CTNNA2: variants seen among roughly 807,000 people sequenced by gnomAD.
CTNNA2 encodes catenin alpha 2.
CTNNA2 carries 42 observed loss-of-function variants against 101.0 expected under a neutral mutation model. That is an observed-to-expected ratio of 0.42 (90% CI 0.32 to 0.54). The LOEUF (loss-of-function observed/expected upper bound fraction) is 0.54. CTNNA2 is among the 20% of genes least tolerant of loss of function. CTNNA2 has a pLI of 0.14. For synonymous variants in CTNNA2, 450 were observed against 456.4 expected, an observed-to-expected ratio of 0.99 and a Z score of 0.18; for missense variants, 871 against 1,223.1, an observed-to-expected ratio of 0.71 and a Z score of 4.29.
At chr2:80,337,201 A>C (rs959448207) in intron 7 of CTNNA2, among the ~76,000 whole-genome samples, 5 of 152,040 alleles carry the variant, frequency 3.3e-5, no homozygotes, top group African/African-American at 1.2e-4. Context: ...TAAAAATACA[A>C]AACATTAGCC....
intron 2 of CTNNA2, among the ~76,000 whole-genome samples, chr2:79,253,824 T>C (rs921045025): frequency 7.2e-5 from 11 of 152,166 alleles, no homozygotes; most frequent in Admixed American, 7.2e-4. Flanking sequence ...TGTGTATTTG[T>C]CGGTGATAGA....
chr2:79,661,095 C>G (rs1682004351), intron 2 of CTNNA2, among the ~76,000 whole-genome samples: 1 of 152,170 alleles, frequency 6.6e-6, no homozygotes, highest in East Asian at 1.9e-4. Flanking sequence ...CCACCCTGTG[C>G]CATGTGATAA....
chr2:79,766,823 T>C (rs2105117838), intron 3 of CTNNA2, among the ~76,000 whole-genome samples: 1 of 152,144 alleles, frequency 6.6e-6, no homozygotes, highest in Non-Finnish European at 1.5e-5. Flanking sequence ...CGGCATGATC[T>C]CGGCTCACCG....
At chr2:80,629,651 G>A (rs1672065174) in intron 18 of CTNNA2, among the ~76,000 whole-genome samples, 1 of 152,120 alleles carries the variant, frequency 6.6e-6, no homozygotes, top group African/African-American at 2.4e-5. Flanking sequence ...TGCTTCTTCA[G>A]GCTGGTTCAG....
intron 6 of CTNNA2, among the ~76,000 whole-genome samples, chr2:79,874,572 G>A (rs1682858546): frequency 6.6e-6 from 1 of 152,154 alleles, no homozygotes; most frequent in African/African-American, 2.4e-5. Context: ...TGTAATCCCA[G>A]AACTTTGGGA....
At chr2:79,301,112 AT>A (rs1034296248) in intron 2 of CTNNA2, among the ~76,000 whole-genome samples, 1 of 152,196 alleles carries the variant, frequency 6.6e-6, no homozygotes, top group African/African-American at 2.4e-5. Flanking sequence ...CTTTTCTGAA[AT>A]TACTTTTTCT....
intron 7 of CTNNA2, among the ~76,000 whole-genome samples, chr2:80,385,164 C>T (rs1008258801): frequency 6.6e-6 from 1 of 152,176 alleles, no homozygotes; most frequent in Non-Finnish European, 1.5e-5. Flanking sequence ...TGTGTCCCCT[C>T]AAAATTCAAA....
At position 79,997,255 on chromosome 2, in the gene CTNNA2, T is replaced by C. The variant is rs1460082041; in HGVS notation, c.1056+87458T>C. Among the ~76,000 whole-genome samples, 13 of 149,988 alleles carry C rather than the reference T, an allele frequency of 8.7e-5. No individual in the cohort carries two copies. The Admixed American group carries it at 8.7e-4, about 10-fold the overall frequency. ...CACTATTTAGTATGGTGCCTAATAATCTTCCTCAAAACACCTTTTCTACTA... is the reference window on the plus strand; with the variant it reads ...CACTATTTAGTATGGTGCCTAATAACCTTCCTCAAAACACCTTTTCTACTA... On this transcript the variant is annotated intron_variant, in intron 7 of 18. Coordinates refer to ENST00000402739, the MANE Select transcript of CTNNA2 (RefSeq NM_001282597.3).
At chr2:80,055,249 G>A (rs55706650) in intron 7 of CTNNA2, among the ~76,000 whole-genome samples, 6,414 of 152,026 alleles carry the variant, frequency 0.042, 451 homozygotes, top group African/African-American at 0.15. Flanking sequence ...GGCTGGCCTC[G>A]AGCTCCTAGC....
chr2:79,406,932 T>G (rs892892155), intron 4 of CTNNA2, among the ~76,000 whole-genome samples: 26 of 152,018 alleles, frequency 1.7e-4, no homozygotes, highest in African/African-American at 5.8e-4. Flanking sequence ...TCTCCTCAAC[T>G]CTATGATTTC....
Position 79,457,066 on chromosome 2 carries a change from G to T in CTNNA2, c.-134-47988G>T, listed in dbSNP as rs192610324. ...ATACAAAAAAAATTAGCCGGGCGCG[G>T]TGGCGGGCGCCTGTAGTCCCAGCTA... On this transcript the variant is annotated intron_variant, in intron 4 of 21. Transcript: ENST00000466387. Among the ~76,000 whole-genome samples, 13 of 152,106 alleles carry T rather than the reference G, an allele frequency of 8.5e-5. No individual in the cohort carries two copies. In the East Asian group the frequency reaches 2.5e-3, roughly 30 times the overall value.
chr2:80,167,196 A>G (rs1704756520), intron 7 of CTNNA2, among the ~76,000 whole-genome samples: 1 of 152,188 alleles, frequency 6.6e-6, no homozygotes, highest in Non-Finnish European at 1.5e-5. Context: ...GTATCTTCCA[A>G]GAAGTCTATC....
rs142299504 is a variant in CTNNA2 at position 79,838,548 on chromosome 2, A to G, written c.299-19465A>G. ...ATTAGAGGTTTTGATCTAACATAAG[A>G]ACATACTCTGATTAGACATTATTAT... On this transcript the variant is annotated intron_variant, in intron 3 of 18. Transcript: ENST00000402739. Among the ~76,000 whole-genome samples, 593 of 152,250 alleles carry G rather than the reference A, an allele frequency of 3.9e-3. 1 individual carries two copies. Among genetic ancestry groups the G allele is most frequent in the African/African-American group, 0.013 (559 of 41,562 alleles).
At chr2:79,664,775 G>C (rs1252339665) in intron 2 of CTNNA2, among the ~76,000 whole-genome samples, 1 of 136,608 alleles carries the variant, frequency 7.3e-6, no homozygotes, top group Non-Finnish European at 1.5e-5. Context: ...GCAGTGGCGC[G>C]ATCTCGGCTC....
chr2:80,179,956 T>G (rs1036481077), intron 7 of CTNNA2, among the ~76,000 whole-genome samples: 2 of 152,180 alleles, frequency 1.3e-5, no homozygotes, highest in African/African-American at 2.4e-5. Flanking sequence ...CACTGTAAGT[T>G]GGACCTGAGC....
At chr2:79,359,224 T>C (rs1677573147) in intron 3 of CTNNA2, among the ~76,000 whole-genome samples, 1 of 152,188 alleles carries the variant, frequency 6.6e-6, no homozygotes, top group Non-Finnish European at 1.5e-5. Context: ...AGGCCAAGTA[T>C]GATGTTGCTG....
Position 79,316,373 on chromosome 2 carries a change from T to G in CTNNA2, c.-318+3577T>G, listed in dbSNP as rs1676497754. On this transcript the variant is annotated intron_variant, in intron 3 of 21. Transcript: ENST00000466387. ...TTTTGAAACTGGAAGGAGTGAGTCC[T>G]CCAGCTTTTCTCTTATTCAAGACTG... 2.6e-5 allele frequency among the ~76,000 whole-genome samples: 4 copies of G among 152,194 alleles called. 1 individual carries two copies. In the East Asian group the frequency reaches 7.7e-4, roughly 29 times the overall value.
At chr2:79,250,584 T>G (rs192219666) in intron 2 of CTNNA2, among the ~76,000 whole-genome samples, 14 of 152,320 alleles carry the variant, frequency 9.2e-5, no homozygotes, top group African/African-American at 3.4e-4. Context: ...TTTCTGGATT[T>G]GCGTAAGAAT....
Position 80,596,435 on chromosome 2 carries a change from G to A in CTNNA2, c.2189+6950G>A, listed in dbSNP as rs1340117273. Among the ~76,000 whole-genome samples, 10 of 150,380 alleles carry A rather than the reference G, an allele frequency of 6.6e-5. 1 individual carries two copies. In the South Asian group the frequency reaches 8.5e-4, roughly 13 times the overall value. ...TGCCATTCTCCTGCCTCAGCCTCCC[G>A]AGTAGCTGGGACTACAGGTGCCCGC... On this transcript the variant is annotated intron_variant, in intron 15 of 18. Coordinates refer to ENST00000402739, the MANE Select transcript of CTNNA2 (RefSeq NM_001282597.3).
Sources: gnomAD v4.1 joint callset for allele counts (sites outside exome capture counted in the v4.1 genomes callset) on GRCh38, gnomAD v4.1.1 for gene constraint, MANE v1.5 for transcripts, NCBI Gene and HGNC (gene_info 2026-07-23, HGNC 2026-07-21) for gene names.